KIAA1328: variants seen among roughly 807,000 people sequenced by gnomAD.
The protein encoded by KIAA1328 is KIAA1328, also known as protein hinderin.
In KIAA1328, 52 loss-of-function variants were observed where a neutral mutation model predicts 68.1. That is an observed-to-expected ratio of 0.76 (90% CI 0.61 to 0.96). KIAA1328 has a LOEUF of 0.96. KIAA1328 is among the 40% of genes least tolerant of loss of function. KIAA1328 has a pLI of 0.00. For missense variants in KIAA1328, 641 were observed against 677.6 expected (o/e 0.95, Z 0.60); for synonymous variants, 232 against 239.4 (o/e 0.97, Z 0.28).
At chr18:36,868,314 T>C (rs2047824635) in intron 4 of KIAA1328, among the ~76,000 whole-genome samples, 2 of 152,166 alleles carry the variant, frequency 1.3e-5, no homozygotes, top group Non-Finnish European at 2.9e-5. Flanking sequence ...TGATTGATCT[T>C]TCTAGGAGGT....
intron 5 of KIAA1328, among the ~76,000 whole-genome samples, chr18:36,901,326 G>A (rs907630542): frequency 2.0e-5 from 3 of 151,982 alleles, no homozygotes; most frequent in Non-Finnish European, 4.4e-5. Context: ...GGTGGGGGAG[G>A]CATGTCAAAT....
chr18:36,963,238 C>A (rs11663281), intron 6 of KIAA1328, among the ~76,000 whole-genome samples: 111,391 of 152,098 alleles, frequency 0.73, 43,936 homozygotes, highest in South Asian at 0.89. Context: ...TAAGGTGGCT[C>A]TTGCCTATTG....
intron 9 of KIAA1328, among the ~76,000 whole-genome samples, chr18:37,198,797 G>A (rs1199930165): frequency 1.3e-5 from 2 of 152,194 alleles, no homozygotes; most frequent in Non-Finnish European, 2.9e-5. Context: ...GAAGTGGGAA[G>A]CAAGGCCATC....
At position 36,885,656 on chromosome 18, in the gene KIAA1328, C is replaced by G. The variant is rs1199687145; in HGVS notation, c.432C>G (p.Ile144Met). Residue 144 changes from isoleucine (I) to methionine (M), a missense_variant, in exon 5 of 10, where the codon ATC (isoleucine) becomes ATG (methionine). Transcript: ENST00000280020. ...AGTTGGAAGAACAGAATGAACTGAT[C>G]ATCAAAGAAAGGGAAGATATCCTTT... is the stretch of plus-strand genomic sequence containing the variant. ...IRQLEEQNEL[I>M]IKEREALQLQ... 1 of 1,582,030 alleles carries G rather than the reference C, an allele frequency of 6.3e-7. No individual in the cohort carries two copies. The highest frequency in any genetic ancestry group is 1.4e-5 in the African/African-American group (1 of 73,818).
At chr18:37,072,478 T>G (rs1382124697) in intron 7 of KIAA1328, among the ~76,000 whole-genome samples, 3 of 152,186 alleles carry the variant, frequency 2.0e-5, no homozygotes, top group Admixed American at 1.3e-4. Context: ...GACATGGATT[T>G]CTTTATCCTA....
At chr18:37,000,610 CA>C (rs2053553572) in intron 6 of KIAA1328, among the ~76,000 whole-genome samples, 1 of 150,216 alleles carries the variant, frequency 6.7e-6, no homozygotes, top group Non-Finnish European at 1.5e-5. Context: ...AAAAAAAACT[CA>C]AAAAAATTTT....
chr18:37,172,895 C>A, intron 8 of KIAA1328, 78 bp from the exon 9 acceptor site: 1 of 1,053,448 alleles, frequency 9.5e-7, no homozygotes, highest in Non-Finnish European at 1.4e-6. Flanking sequence ...CCTATAATGT[C>A]TTATAAATTT....
At chr18:37,033,907 A>G (rs2054928647) in intron 6 of KIAA1328, among the ~76,000 whole-genome samples, 1 of 152,198 alleles carries the variant, frequency 6.6e-6, no homozygotes, top group Non-Finnish European at 1.5e-5. Flanking sequence ...GATCATATAC[A>G]TACAGTGCCT....
At chr18:36,942,415 A>G (rs1396515213) in intron 5 of KIAA1328, among the ~76,000 whole-genome samples, 1 of 152,224 alleles carries the variant, frequency 6.6e-6, no homozygotes, top group African/African-American at 2.4e-5. Flanking sequence ...GAGACATAGA[A>G]CAAACCTTTA....
intron 1 of KIAA1328, among the ~76,000 whole-genome samples, chr18:36,832,091 C>T (rs2046512843): frequency 6.6e-6 from 1 of 151,878 alleles, no homozygotes; most frequent in Admixed American, 6.6e-5. Context: ...TTTGACTTCC[C>T]CATAAAATAT....
intron 9 of KIAA1328, among the ~76,000 whole-genome samples, chr18:37,188,964 T>G (rs2059853776): frequency 6.6e-6 from 1 of 152,230 alleles, no homozygotes; most frequent in Non-Finnish European, 1.5e-5. Flanking sequence ...TGTATCACAT[T>G]CATTTCAGAT....
chr18:37,107,729 T>C (rs1217651628), intron 7 of KIAA1328, among the ~76,000 whole-genome samples: 3 of 152,226 alleles, frequency 2.0e-5, no homozygotes, highest in African/African-American at 7.2e-5. Flanking sequence ...GAAACTTTAC[T>C]AAAGCTGCTC....
chr18:36,994,606 A>C (rs993541629), intron 6 of KIAA1328, among the ~76,000 whole-genome samples: 2 of 152,202 alleles, frequency 1.3e-5, no homozygotes, highest in African/African-American at 4.8e-5. Context: ...TCCTAGCATC[A>C]CATGTTTTTT....
chr18:37,153,856 TTAAA>T (rs920841467), intron 7 of KIAA1328, among the ~76,000 whole-genome samples: 1 of 146,282 alleles, frequency 6.8e-6, no homozygotes, highest in African/African-American at 2.6e-5. Context: ...TCTTTTTCTT[TTAAA>T]AAAAAAAAAA....
intron 6 of KIAA1328, among the ~76,000 whole-genome samples, chr18:37,054,235 T>C (rs1223869838): frequency 6.6e-6 from 1 of 152,164 alleles, no homozygotes; most frequent in African/African-American, 2.4e-5. Flanking sequence ...GTTCATCCCC[T>C]ATGGAAAACA....
intron 6 of KIAA1328, among the ~76,000 whole-genome samples, chr18:37,028,953 T>A (rs2054708269): frequency 6.6e-6 from 1 of 152,154 alleles, no homozygotes; most frequent in Admixed American, 6.6e-5. Context: ...TGCAACTATG[T>A]TCATCAGGGA....
At chr18:36,932,765 C>T (rs2050358584) in intron 5 of KIAA1328, among the ~76,000 whole-genome samples, 1 of 152,206 alleles carries the variant, frequency 6.6e-6, no homozygotes, top group Non-Finnish European at 1.5e-5. Flanking sequence ...AGATCTGTCA[C>T]TGCTTGGTTT....
intron 6 of KIAA1328, among the ~76,000 whole-genome samples, chr18:37,013,578 T>C (rs944600186): frequency 6.6e-6 from 1 of 152,208 alleles, no homozygotes; most frequent in Non-Finnish European, 1.5e-5. Context: ...CTCCCACTTA[T>C]AAATGAGAAC....
intron 6 of KIAA1328, among the ~76,000 whole-genome samples, chr18:36,966,597 C>CA (rs1163429573): frequency 6.6e-6 from 1 of 151,670 alleles, no homozygotes; most frequent in Non-Finnish European, 1.5e-5. Flanking sequence ...AAGAAATCCA[C>CA]AAAAAAAGGT....
Sources: allele counts gnomAD v4.1 joint callset (sites outside exome capture counted in the v4.1 genomes callset), GRCh38; gene constraint gnomAD v4.1.1; transcripts MANE v1.5; gene names NCBI Gene and HGNC (gene_info 2026-07-23, HGNC 2026-07-21).